Variants in POLR3E observed in about 807,000 individuals in gnomAD.
The protein encoded by POLR3E is RNA polymerase III subunit E, also known as DNA-directed RNA polymerase III subunit RPC5.
Under a neutral mutation model 96.6 loss-of-function variants are expected in POLR3E, and 41 were observed. That is an observed-to-expected ratio of 0.42 (90% CI 0.33 to 0.55). The LOEUF is 0.55. Ranked by LOEUF, POLR3E falls within the 20% of genes least tolerant of loss-of-function variation. The pLI, the probability that POLR3E is intolerant of heterozygous loss-of-function variation, is 0.06. For synonymous variants in POLR3E, 396 were observed against 383.6 expected (o/e 1.03, Z -0.38); for missense variants, 849 against 952.1 (o/e 0.89, Z 1.43).
chr16:22,322,846 G>T lies in POLR3E; in HGVS notation c.987-4G>T. ...TGACCTGCCATCCTCACCTGCATTG[G>T]CAGTGACATCCTATACCCCAAGGAC... On this transcript the variant is annotated splice_polypyrimidine_tract_variant and splice_region_variant and intron_variant, in intron 13 of 20. Coordinates refer to ENST00000299853, the MANE Select transcript of POLR3E (RefSeq NM_018119.4). The surrounding 1 kb of genome is among the most constrained non-coding windows in gnomAD (Gnocchi z 5.2). 1 of 1,609,392 alleles carries T rather than the reference G, an allele frequency of 6.2e-7. No individual in the cohort carries two copies. The highest frequency in any genetic ancestry group is 8.5e-7 in the Non-Finnish European group (1 of 1,176,264).
intron 17 of POLR3E, 123 bp from the exon 18 acceptor site, chr16:22,325,638 T>C: frequency 8.2e-7 from 1 of 1,212,840 alleles, no homozygotes; most frequent in Non-Finnish European, 1.1e-6. Context: ...GGTGGCTGAT[T>C]TTCGAGAAAG....
chr16:22,317,453 G>A (rs558838811), intron 12 of POLR3E, among the ~76,000 whole-genome samples: 4 of 152,322 alleles, frequency 2.6e-5, no homozygotes, highest in East Asian at 1.9e-4. Context: ...AGGCGGGCTC[G>A]GGTTCCTGTG....
rs544140575 is a variant in POLR3E, at chr16:22,334,426, T to G, written c.*726T>G. ...CTATTTTGTGTATTTTTAAAATAAATGCAAACACTAAACTAGCATCATGGT... is the reference window on the plus strand; with the variant it reads ...CTATTTTGTGTATTTTTAAAATAAAGGCAAACACTAAACTAGCATCATGGT... On this transcript the variant is annotated 3_prime_UTR_variant, in exon 21 of 21. Coordinates refer to ENST00000299853, the MANE Select transcript of POLR3E (RefSeq NM_018119.4). The G allele has an allele frequency of 6.6e-6, 1 of 152,308 alleles. No homozygotes were observed. The highest frequency in any genetic ancestry group is 2.1e-4 in the South Asian group (1 of 4,822). The allele number at this position is 152,308 out of a possible 1,614,324, so 9.4% of individuals were successfully genotyped here. A position where few individuals can be genotyped will look rare whatever the true frequency, so the allele number is the denominator to read the frequency against.
rs1055782816 is a variant in POLR3E, at chr16:22,313,935, C to T, written c.473-144C>T. ...CAGGGTAAAGGGGCAAAACTGTCCC[C>T]GATTGAGAACCACTGGCTTAGGCAG... On this transcript the variant is annotated intron_variant, in intron 7 of 20. Coordinates refer to ENST00000299853, the MANE Select transcript of POLR3E (RefSeq NM_018119.4). This position sits in a 1 kb window ranked among gnomAD's most constrained non-coding sequence, Gnocchi z 4.1. 31 of 766,598 alleles carry T rather than the reference C, an allele frequency of 4.0e-5. No homozygotes were observed. Among genetic ancestry groups the T allele is most frequent in the Admixed American group, 1.3e-4 (6 of 47,048 alleles). 47.5% of individuals were successfully genotyped at this position (766,598 alleles called of 1,614,324 possible).
chr16:22,331,778 C>T, intron 19 of POLR3E: 1 of 279,622 alleles, frequency 3.6e-6, no homozygotes, highest in South Asian at 4.2e-5. Context: ...TCTCATGTCT[C>T]TTCACCAGTT....
At position 22,318,755 on chromosome 16, in the gene POLR3E, G is replaced by A. The variant is rs2048410043; in HGVS notation, c.866-71G>A. On this transcript the variant is annotated intron_variant, in intron 12 of 20. Transcript: ENST00000299853. The surrounding 1 kb of genome is among the most constrained non-coding windows in gnomAD (Gnocchi z 5.0). ...TTATTACATGAACTTGAAGCTATGC[G>A]GACTCTCGGTGGAGGGGAGGGAAGG... 16 of 1,537,282 alleles carry A rather than the reference G, an allele frequency of 1.0e-5. No individual in the cohort carries two copies. The South Asian group carries it at 1.6e-4, about 15-fold the overall frequency.
chr16:22,309,638 A>C, intron 6 of POLR3E, 128 bp downstream of exon 6: 1 of 751,222 alleles, frequency 1.3e-6, no homozygotes, highest in South Asian at 1.4e-5. Flanking sequence ...GGGGCCGGGC[A>C]GGTGTGGAAA....
chr16:22,326,210 A>G lies in POLR3E; in HGVS notation c.1798A>G (p.Ser600Gly). Residue 600 changes from serine (S) to glycine (G), a missense_variant, in exon 18 of 21, where the codon AGC (serine) becomes GGC (glycine). Ser to Gly is a moderately conservative substitution (Grantham distance 56). Coordinates refer to ENST00000299853, the MANE Select transcript of POLR3E (RefSeq NM_018119.4). ...CCTGCCCCCCGGCCACACACTCTTC[A>G]GCGGCATCTCGGACCGCATGCTACA... ...ASLPPGHTLFSGISDRMLQDT... is the reference protein window; with the variant it reads ...ASLPPGHTLFGGISDRMLQDT... 6.2e-7 allele frequency: 1 copy of G among 1,610,112 alleles called. No individual in the cohort carries two copies. The highest frequency in any genetic ancestry group is 1.1e-5 in the South Asian group (1 of 91,004).
Position 22,334,223 on chromosome 16 carries a change from C to T in POLR3E, c.*523C>T, listed in dbSNP as rs2048804386. The T allele has an allele frequency of 6.6e-6, 1 of 152,318 alleles. No individual in the cohort carries two copies. Among genetic ancestry groups the T allele is most frequent in the Admixed American group, 6.5e-5 (1 of 15,278 alleles). The allele number at this position is 152,318 out of a possible 1,614,324, so 9.4% of individuals were successfully genotyped here. A position where few individuals can be genotyped will look rare whatever the true frequency, so the allele number is the denominator to read the frequency against. On this transcript the variant is annotated 3_prime_UTR_variant, in exon 21 of 21. Coordinates refer to ENST00000299853, the MANE Select transcript of POLR3E (RefSeq NM_018119.4). ...TATTCTATTCTTGGGATTCTGTGGC[C>T]ACTTCACCTTTGACAACAACCTACT... is the stretch of plus-strand genomic sequence containing the variant.
rs144293644 is a variant in POLR3E at position 22,332,071 on chromosome 16, T to C, written c.1956T>C (p.Val652=). The C allele has an allele frequency of 2.8e-5, 45 of 1,613,812 alleles. No homozygotes were observed. In the African/African-American group the frequency reaches 5.6e-4, roughly 20 times the overall value. Residue 652 remains valine (V), a synonymous_variant, in exon 20 of 21, where the codon GTT becomes GTC. Transcript: ENST00000299853. ...TTTTGCTACTAAAGCATCGACAGGT[T>C]TTGCTTGAAATTTTTTCCAAAAATT... ...SGDMSDQHRQ[V]LLEIFSKNYR... is the part of the protein sequence containing the mutation.
At chr16:22,319,575 A>ATT (rs926043303) in intron 13 of POLR3E, among the ~76,000 whole-genome samples, 2 of 151,502 alleles carry the variant, frequency 1.3e-5, no homozygotes, top group Non-Finnish European at 2.9e-5. Flanking sequence ...AATTTTTTGT[A>ATT]TTTTTAGTAG....
At chr16:22,298,636 G>A (rs193094300) in intron 1 of POLR3E, among the ~76,000 whole-genome samples, 4 of 152,250 alleles carry the variant, frequency 2.6e-5, no homozygotes, top group Non-Finnish European at 5.9e-5. Flanking sequence ...TCAGAAAACC[G>A]TGCAGTATAG....
In POLR3E at chr16:22,325,971, A is replaced by G. The variant is rs780221573; in HGVS notation, c.1559A>G (p.Asp520Gly). 50 of 1,592,378 alleles carry G rather than the reference A, an allele frequency of 3.1e-5. No individual in the cohort carries two copies. Among genetic ancestry groups the G allele is most frequent in the Non-Finnish European group, 4.0e-5 (47 of 1,169,226 alleles). ...EEQEAEEEPM[D>G]TSPSGLHSKL... ...CAGGAGGCGGAGGAGGAGCCCATGG[A>G]CACTTCCCCCAGCGGCCTCCACAGC... Residue 520 changes from aspartate (D) to glycine (G), a missense_variant, in exon 18 of 21, where the codon GAC becomes GGC. Asp to Gly is a moderately conservative substitution (Grantham distance 94). Transcript: ENST00000299853.
chr16:22,329,416 G>A (rs1304425320), intron 19 of POLR3E, among the ~76,000 whole-genome samples: 3 of 152,304 alleles, frequency 2.0e-5, no homozygotes, highest in Non-Finnish European at 4.4e-5. Flanking sequence ...CATGGACCCT[G>A]CATCCCAGCT....
At chr16:22,300,953 G>A (rs1404938194) in intron 1 of POLR3E, among the ~76,000 whole-genome samples, 1 of 152,118 alleles carries the variant, frequency 6.6e-6, no homozygotes, top group African/African-American at 2.4e-5. Context: ...TTACAGCTTA[G>A]TGGCAATAGA....
At chr16:22,314,933 A>G (rs2048323227) in intron 8 of POLR3E, 156 bp from the exon 9 acceptor site, 1 of 693,228 alleles carries the variant, frequency 1.4e-6, no homozygotes, top group Non-Finnish European at 2.3e-6. Flanking sequence ...TGGGAGGGAC[A>G]CGGTTGGAAC....
chr16:22,310,702 G>C (rs1303050494), intron 6 of POLR3E, among the ~76,000 whole-genome samples: 1 of 150,808 alleles, frequency 6.6e-6, no homozygotes, highest in African/African-American at 2.4e-5. Flanking sequence ...TTGGGAGGCC[G>C]AGGCAGGCCC....
chr16:22,325,447 G>C (rs1248412969), intron 17 of POLR3E, 181 bp downstream of exon 17: 2 of 646,922 alleles, frequency 3.1e-6, no homozygotes, highest in Non-Finnish European at 5.4e-6. Context: ...CCCAGCAGCA[G>C]AGCCTCAGGG....
chr16:22,315,032 G>T, intron 8 of POLR3E, 57 bp from the exon 9 acceptor site: 7 of 1,583,908 alleles, frequency 4.4e-6, no homozygotes, highest in Non-Finnish European at 6.0e-6. Context: ...GGCTGAGACG[G>T]CAGTCCAGCA....
Sources: gnomAD v4.1 joint callset for allele counts (sites outside exome capture counted in the v4.1 genomes callset) on GRCh38, gnomAD v4.1.1 for gene constraint, Gnocchi (gnomAD v3.1) non-coding constraint, MANE v1.5 for transcripts, NCBI Gene and HGNC (gene_info 2026-07-23, HGNC 2026-07-21) for gene names.